BTBD1: variants seen among roughly 807,000 people sequenced by gnomAD.
The protein encoded by BTBD1 is BTB/POZ domain-containing protein 1.
In BTBD1, 34 loss-of-function variants were observed where a neutral mutation model predicts 48.0. That is an observed-to-expected ratio of 0.71 (90% CI 0.54 to 0.94). The LOEUF is 0.94. Among genes scored for constraint, BTBD1 ranks in the 40% least tolerant of loss-of-function variants. BTBD1 has a pLI of 0.00. For missense variants in BTBD1, 543 were observed against 625.6 expected (o/e 0.87, Z 1.41); for synonymous variants, 261 against 242.1 (o/e 1.08, Z -0.72).
intron 5 of BTBD1, 111 bp downstream of exon 5, chr15:83,030,024 TA>T: frequency 1.0e-6 from 1 of 1,002,934 alleles, no homozygotes. Flanking sequence ...AAAAGTGTAT[TA>T]AATGAAGTAT....
chr15:83,058,217 C>T (rs537392952), intron 1 of BTBD1, among the ~76,000 whole-genome samples: 3 of 152,358 alleles, frequency 2.0e-5, no homozygotes, highest in African/African-American at 4.8e-5. Flanking sequence ...AGCTCCGCTG[C>T]GGCTTTGAAA....
At chr15:83,057,679 A>C (rs2033110908) in intron 1 of BTBD1, among the ~76,000 whole-genome samples, 1 of 152,246 alleles carries the variant, frequency 6.6e-6, no homozygotes, top group Admixed American at 6.5e-5. Context: ...TGAAGTCTCC[A>C]AGATGACATT....
At chr15:83,036,836 T>G (rs1429055808) in intron 4 of BTBD1, among the ~76,000 whole-genome samples, 3 of 152,182 alleles carry the variant, frequency 2.0e-5, no homozygotes, top group African/African-American at 7.2e-5. Flanking sequence ...ATATATGATT[T>G]CCTTTATATA....
At position 83,067,232 on chromosome 15, in the gene BTBD1, T is replaced by G; in HGVS notation, c.-81A>C. 7.8e-7 allele frequency: 1 copy of G among 1,283,238 alleles called. No homozygotes were observed. Among genetic ancestry groups the G allele is most frequent in the South Asian group, 2.2e-5 (1 of 44,772 alleles). The allele number at this position is 1,283,238 out of a possible 1,614,324, so 79.5% of individuals were successfully genotyped here. ...GCCGCCTCCGGAGGCCGGCGCTGCCTCCCTGCCTTCCGGGAAAGGCGCTTC... is the reference window on the plus strand; with the variant it reads ...GCCGCCTCCGGAGGCCGGCGCTGCCGCCCTGCCTTCCGGGAAAGGCGCTTC... On this transcript the variant is annotated 5_prime_UTR_variant, in exon 1 of 8. Transcript: ENST00000261721.
chr15:83,050,216 T>C (rs779005396), intron 2 of BTBD1, 38 bp from the exon 3 acceptor site: 6 of 1,333,276 alleles, frequency 4.5e-6, no homozygotes, highest in Non-Finnish European at 5.3e-6. Context: ...ACTTTCATAG[T>C]TATTTTACCT....
chr15:83,018,448 C>CA (rs1309241176), intron 7 of BTBD1, among the ~76,000 whole-genome samples: 1 of 152,166 alleles, frequency 6.6e-6, no homozygotes, highest in Non-Finnish European at 1.5e-5. Context: ...AAAGATTTTA[C>CA]AAAAATAACT....
At chr15:83,034,069 C>CA (rs2032577402) in intron 4 of BTBD1, among the ~76,000 whole-genome samples, 1 of 124,006 alleles carries the variant, frequency 8.1e-6, no homozygotes, top group Non-Finnish European at 1.6e-5. Flanking sequence ...GCCTGGGTGA[C>CA]AGAGGAGACA....
chr15:83,041,893 G>A lies in BTBD1; in HGVS notation c.697C>T (p.Leu233Phe). 1 of 1,614,078 alleles carries A rather than the reference G, an allele frequency of 6.2e-7. No homozygotes were observed. Among genetic ancestry groups the A allele is most frequent in the African/African-American group, 1.3e-5 (1 of 75,024 alleles). ...TLCAVLERDT[L>F]SIRESRLFGA... ...AAAAGTCGACTTTCTCGAATACTGAGTGTGTCTCTCTCTAAAACTGCACAG... is the reference window on the plus strand; with the variant it reads ...AAAAGTCGACTTTCTCGAATACTGAATGTGTCTCTCTCTAAAACTGCACAG... The change falls in exon 4 of 8, where the codon CTC (leucine) becomes TTC (phenylalanine). Residue 233 changes from leucine (L) to phenylalanine (F), a missense_variant. This residue lies in a region of BTBD1 where 300 missense variants were observed against 350.0 expected (regional missense o/e 0.86). Coordinates refer to ENST00000261721, the MANE Select transcript of BTBD1 (RefSeq NM_025238.4).
chr15:83,039,869 T>C (rs140829906), intron 4 of BTBD1, among the ~76,000 whole-genome samples: 46 of 150,426 alleles, frequency 3.1e-4, no homozygotes, highest in East Asian at 2.0e-3. Context: ...ACTGGTTATA[T>C]ATCCAAAAGA....
intron 4 of BTBD1, among the ~76,000 whole-genome samples, chr15:83,037,979 G>A (rs2151305464): frequency 1.3e-5 from 2 of 152,286 alleles, no homozygotes; most frequent in Admixed American, 1.3e-4. Flanking sequence ...AGCTACTCGG[G>A]AGGCTGAGGC....
chr15:83,051,761 A>T (rs2032986602), intron 2 of BTBD1, among the ~76,000 whole-genome samples: 1 of 151,778 alleles, frequency 6.6e-6, no homozygotes, highest in Non-Finnish European at 1.5e-5. Context: ...TTGGAATTTC[A>T]AATTTATAGA....
At chr15:83,057,499 CATT>C (rs1272907248) in intron 1 of BTBD1, among the ~76,000 whole-genome samples, 1 of 152,104 alleles carries the variant, frequency 6.6e-6, no homozygotes, top group African/African-American at 2.4e-5. Flanking sequence ...TATTTTTTAT[CATT>C]ATTTCCCTCT....
chr15:83,030,113 C>T (rs199762657), intron 5 of BTBD1, 23 bp downstream of exon 5: 18 of 1,610,866 alleles, frequency 1.1e-5, no homozygotes, highest in South Asian at 1.1e-4. Flanking sequence ...ACTCTACCCC[C>T]GCATCCCCAA....
chr15:83,026,674 C>T (rs1312112135), intron 5 of BTBD1, among the ~76,000 whole-genome samples: 1 of 151,940 alleles, frequency 6.6e-6, no homozygotes, highest in Non-Finnish European at 1.5e-5. Flanking sequence ...AGGCATGTGC[C>T]CCCACACCTG....
chr15:83,040,572 C>T (rs548050791), intron 4 of BTBD1, among the ~76,000 whole-genome samples: 78 of 151,746 alleles, frequency 5.1e-4, no homozygotes, highest in African/African-American at 1.5e-3. Context: ...TGGCGGTGCA[C>T]GCCTGTAATC....
chr15:83,047,854 T>G (rs2032908301), intron 3 of BTBD1, among the ~76,000 whole-genome samples: 1 of 152,222 alleles, frequency 6.6e-6, no homozygotes, highest in African/African-American at 2.4e-5. Flanking sequence ...GGCCTTGTAT[T>G]ACTGTGAGCT....
Position 83,059,376 on chromosome 15 carries a change from A to C in BTBD1, c.402-2831T>G, listed in dbSNP as rs191080150. 3.0e-3 allele frequency among the ~76,000 whole-genome samples: 461 copies of C among 151,616 alleles called. 1 individual carries two copies. The highest frequency in any genetic ancestry group is 5.2e-3 in the Non-Finnish European group (353 of 67,830). ...GCCTGCCCAACCTGGTGAAACCCCG[A>C]CTCTACTAAAAACACAAAAATTAGC... On this transcript the variant is annotated intron_variant, in intron 1 of 7. Coordinates refer to ENST00000261721, the MANE Select transcript of BTBD1 (RefSeq NM_025238.4).
intron 5 of BTBD1, among the ~76,000 whole-genome samples, chr15:83,026,899 C>T (rs979276300): frequency 6.6e-6 from 1 of 152,130 alleles, no homozygotes; most frequent in Non-Finnish European, 1.5e-5. Context: ...AGTCAATTCT[C>T]ATTATCTGTG....
intron 5 of BTBD1, among the ~76,000 whole-genome samples, chr15:83,025,856 G>A (rs776901577): frequency 1.6e-4 from 25 of 151,810 alleles, no homozygotes; most frequent in Non-Finnish European, 2.6e-4. Context: ...TGCCAGCTCC[G>A]CCTCCCGGGT....
Sources: gnomAD v4.1 joint callset for allele counts (sites outside exome capture counted in the v4.1 genomes callset) on GRCh38, gnomAD v4.1.1 for gene constraint, gnomAD v4.1.1 regional missense constraint, MANE v1.5 for transcripts, NCBI Gene and HGNC (gene_info 2026-07-23, HGNC 2026-07-21) for gene names.